The following IL7 variants were observed in gnomAD, a reference collection of about 807,000 sequenced individuals.
IL7 encodes interleukin-7.
IL7 carries 3 observed loss-of-function variants against 21.6 expected under a neutral mutation model. That is an observed-to-expected ratio of 0.14 (90% CI 0.06 to 0.36). The LOEUF is 0.36. IL7 is among the 10% of genes least tolerant of loss of function. The pLI, the probability that IL7 is intolerant of heterozygous loss-of-function variation, is 1.00. For synonymous variants in IL7, 62 were observed against 68.1 expected, an observed-to-expected ratio of 0.91 and a Z score of 0.44; for missense variants, 175 against 200.2, an observed-to-expected ratio of 0.87 and a Z score of 0.76.
At chr8:78,765,505 TA>T (rs1269043464) in intron 2 of IL7, among the ~76,000 whole-genome samples, 1 of 151,932 alleles carries the variant, frequency 6.6e-6, no homozygotes, top group East Asian at 1.9e-4. Context: ...TACAACCCAA[TA>T]AAAAATTGGC....
At chr8:78,731,510 C>T (rs1193292367), downstream of IL7, among the ~76,000 whole-genome samples, 2 of 151,580 alleles carry the variant, frequency 1.3e-5, no homozygotes, top group Non-Finnish European at 2.9e-5. Flanking sequence ...TAACTCACAT[C>T]AAAAATAAGT....
intron 2 of IL7, among the ~76,000 whole-genome samples, chr8:78,789,354 A>G (rs1048653545): frequency 6.6e-6 from 1 of 152,294 alleles, no homozygotes; most frequent in Non-Finnish European, 1.5e-5. Flanking sequence ...TTGATATTAA[A>G]AAACTAATTT....
downstream of IL7, among the ~76,000 whole-genome samples, chr8:78,732,552 C>T (rs982110186): frequency 4.6e-5 from 7 of 152,134 alleles, no homozygotes; most frequent in Non-Finnish European, 7.4e-5. Flanking sequence ...AATAGTGTTT[C>T]CATTTCCCTT....
chr8:78,801,478 G>T (rs1814057171), intron 1 of IL7, among the ~76,000 whole-genome samples: 2 of 152,138 alleles, frequency 1.3e-5, no homozygotes, highest in Non-Finnish European at 2.9e-5. Flanking sequence ...GATTGTTTGA[G>T]CCTGGAAGTC....
intron 2 of IL7, among the ~76,000 whole-genome samples, chr8:78,756,708 T>C (rs1020230844): frequency 6.6e-6 from 1 of 151,974 alleles, no homozygotes; most frequent in African/African-American, 2.4e-5. Context: ...CTTCTCTCTT[T>C]ATTAGTTAGT....
At position 78,747,522 on chromosome 8, in the gene IL7, G is replaced by C. The variant is rs549000378; in HGVS notation, c.148-7440C>G. ...TTTAGGGGGCCTTTTAAAATGCGCT[G>C]CTTATTTTTTAGAAAATCTACTCTG... is the stretch of plus-strand genomic sequence containing the variant. On this transcript the variant is annotated intron_variant, in intron 2 of 5. Coordinates refer to ENST00000263851, the MANE Select transcript of IL7 (RefSeq NM_000880.4). Among the ~76,000 whole-genome samples, 4 of 152,162 alleles carry C rather than the reference G, an allele frequency of 2.6e-5. No individual in the cohort carries two copies. In the South Asian group the frequency reaches 6.2e-4, roughly 24 times the overall value.
intron 2 of IL7, among the ~76,000 whole-genome samples, chr8:78,789,392 A>G (rs1484611188): frequency 6.6e-6 from 1 of 152,150 alleles, no homozygotes; most frequent in African/African-American, 2.4e-5. Context: ...CATTTTCCTT[A>G]TTTGTTAACT....
chr8:78,708,127 C>T (rs1017074224), intron 3 of IL7, among the ~76,000 whole-genome samples: 1 of 152,144 alleles, frequency 6.6e-6, no homozygotes, highest in Admixed American at 6.5e-5. Context: ...TCGATTTATA[C>T]AGATGATTCA....
At chr8:78,736,002 A>G (rs1811579975) in intron 5 of IL7, among the ~76,000 whole-genome samples, 1 of 151,026 alleles carries the variant, frequency 6.6e-6, no homozygotes, top group Admixed American at 6.6e-5. Flanking sequence ...TAGTATATGT[A>G]TAAATATATG....
intron 2 of IL7, among the ~76,000 whole-genome samples, chr8:78,784,038 C>T (rs116982112): frequency 0.023 from 3,430 of 152,232 alleles, 46 homozygotes; most frequent in Non-Finnish European, 0.034. Context: ...GACTATAAGT[C>T]ATATAATGAT....
chr8:78,769,376 T>C (rs1480030112), intron 2 of IL7, among the ~76,000 whole-genome samples: 1 of 151,946 alleles, frequency 6.6e-6, no homozygotes, highest in Non-Finnish European at 1.5e-5. Flanking sequence ...CACAAGCATT[T>C]TTATACACCA....
chr8:78,757,107 AT>A (rs1000116233), intron 2 of IL7, among the ~76,000 whole-genome samples: 9 of 151,010 alleles, frequency 6.0e-5, no homozygotes, highest in African/African-American at 1.7e-4. Flanking sequence ...TTTGTTTCAG[AT>A]TTTTTTTCAT....
chr8:78,713,854 A>G (rs1398838569), downstream of IL7, among the ~76,000 whole-genome samples: 2 of 152,178 alleles, frequency 1.3e-5, no homozygotes, highest in African/African-American at 4.8e-5. Context: ...TTAAAATGGG[A>G]ATAATATCTT....
chr8:78,763,730 T>TAG (rs1321942872), intron 2 of IL7, among the ~76,000 whole-genome samples: 1 of 152,198 alleles, frequency 6.6e-6, no homozygotes, highest in African/African-American at 2.4e-5. Context: ...TATTGCTGAA[T>TAG]TCTATCAAAT....
chr8:78,804,888 G>C (rs758418402), intron 1 of IL7, 25 bp downstream of exon 1: 2 of 1,612,670 alleles, frequency 1.2e-6, no homozygotes, highest in Non-Finnish European at 1.7e-6. Flanking sequence ...GCGCGAACTT[G>C]TGCGCAAGGG....
rs568157023 is a variant in IL7, at chr8:78,720,213, A to G, written n.476+807T>C. On this transcript the variant is annotated intron_variant and non_coding_transcript_variant, in intron 5 of 6. Transcript: ENST00000519833. ...TTAGGTTAGAGGTGAACATTTAACC[A>G]TGAGTAGAAGCTCTGGAGATGAAAA... Among the ~76,000 whole-genome samples the G allele has an allele frequency of 2.6e-4, 39 of 151,988 alleles. 1 individual carries two copies. The South Asian group carries it at 7.5e-3, about 29-fold the overall frequency.
intron 2 of IL7, among the ~76,000 whole-genome samples, chr8:78,771,750 A>T (rs923891601): frequency 3.3e-5 from 5 of 152,112 alleles, no homozygotes; most frequent in African/African-American, 1.2e-4. Context: ...GAGGAAGCAC[A>T]CATTCTTCAG....
chr8:78,731,882 G>A (rs966539725), downstream of IL7, among the ~76,000 whole-genome samples: 7 of 151,930 alleles, frequency 4.6e-5, no homozygotes, highest in African/African-American at 1.4e-4. Flanking sequence ...TTTTAATAGC[G>A]TTTTTAAACA....
intron 2 of IL7, among the ~76,000 whole-genome samples, chr8:78,772,153 A>G (rs552863615): frequency 6.6e-6 from 1 of 152,314 alleles, no homozygotes; most frequent in South Asian, 2.1e-4. Context: ...CAGGGCTAGC[A>G]TGCAAATACT....
Sources: gnomAD v4.1 joint callset for allele counts (sites outside exome capture counted in the v4.1 genomes callset) on GRCh38, gnomAD v4.1.1 for gene constraint, MANE v1.5 for transcripts, NCBI Gene and HGNC (gene_info 2026-07-23, HGNC 2026-07-21) for gene names.